The following MIIP variants were observed in gnomAD, a reference collection of about 807,000 sequenced individuals.
MIIP encodes migration and invasion inhibitory protein, also known as migration and invasion-inhibitory protein.
In MIIP, 44 loss-of-function variants were observed where a neutral mutation model predicts 44.8. The ratio of observed to expected loss-of-function variants is 0.98; its 90% CI spans 0.77 to 1.26. MIIP has a LOEUF of 1.26. Ranked by LOEUF, MIIP falls within the 50% of genes most tolerant of loss-of-function variation. The pLI is 0.00. For missense variants in MIIP, 496 were observed against 511.7 expected, an observed-to-expected ratio of 0.97 and a Z score of 0.30; for synonymous variants, 225 against 218.3, an observed-to-expected ratio of 1.03 and a Z score of -0.27.
At chr1:12,026,968 G>A (rs1640116605) in intron 4 of MIIP, among the ~76,000 whole-genome samples, 2 of 150,906 alleles carry the variant, frequency 1.3e-5, no homozygotes, top group African/African-American at 4.9e-5. Context: ...TAGCCTCGTT[G>A]CCTTCAATTT....
chr1:12,023,058 TC>T, intron 4 of MIIP, 141 bp downstream of exon 4: 37 of 452,766 alleles, frequency 8.2e-5, no homozygotes, highest in Non-Finnish European at 1.2e-4. Flanking sequence ...GGGAGCACCC[TC>T]TTTTTTTTTT....
At chr1:12,022,961 G>A in intron 4 of MIIP, 44 bp downstream of exon 4, 6 of 1,498,904 alleles carry the variant, frequency 4.0e-6, no homozygotes, top group African/African-American at 1.4e-5. Flanking sequence ...CTGGGAGTGG[G>A]AGGTGGAGGC....
chr1:12,022,788 A>T (rs753371188), intron 3 of MIIP, 45 bp from the exon 4 acceptor site: 1 of 1,467,636 alleles, frequency 6.8e-7, no homozygotes, highest in East Asian at 2.4e-5. Context: ...CCTCTGGGCC[A>T]GGCCTCTTGG....
At chr1:12,025,679 T>C (rs956691834) in intron 4 of MIIP, among the ~76,000 whole-genome samples, 2 of 152,172 alleles carry the variant, frequency 1.3e-5, no homozygotes, top group African/African-American at 4.8e-5. Flanking sequence ...TGATGTGACC[T>C]CCCGTCTTTC....
intron 3 of MIIP, 87 bp downstream of exon 3, chr1:12,022,529 C>A: frequency 8.5e-7 from 1 of 1,172,330 alleles, no homozygotes; most frequent in Non-Finnish European, 1.2e-6. Context: ...TTGTGGGTAG[C>A]CTCCCTTGCA....
In MIIP at chr1:12,031,780, G is replaced by A. The variant is rs143726942; in HGVS notation, c.1139G>A (p.Arg380Gln). The change falls in exon 10 of 10, where the codon CGG becomes CAG. Residue 380 changes from arginine to glutamine, a missense_variant. By Grantham distance (43) the Arg-to-Gln change is conservative (BLOSUM62 1). Coordinates refer to ENST00000235332, the MANE Select transcript of MIIP (RefSeq NM_021933.4). ...TPTWSVPQVPRPHVPRQKP is the reference protein window; with the variant it reads ...TPTWSVPQVPQPHVPRQKP ...ACCTGGTCAGTGCCCCAGGTCCCTCGGCCCCACGTCCCACGGCAGAAGCCC... is the reference window on the plus strand; with the variant it reads ...ACCTGGTCAGTGCCCCAGGTCCCTCAGCCCCACGTCCCACGGCAGAAGCCC... 41 of 1,613,756 alleles carry A rather than the reference G, an allele frequency of 2.5e-5. No homozygotes were observed. Among genetic ancestry groups the A allele is most frequent in the African/African-American group, 6.7e-5 (5 of 74,852 alleles).
At position 12,030,611 on chromosome 1, in the gene MIIP, G is replaced by A. The variant is rs570264134; in HGVS notation, c.942+487G>A. ...GAGTTTTGTTCTTACTGCCCAGGCT[G>A]GAGTGCATTGGCATGGTCTCAGCTC... On this transcript the variant is annotated intron_variant, in intron 8 of 9. Transcript: ENST00000235332. Among the ~76,000 whole-genome samples the A allele has an allele frequency of 3.5e-3, 456 of 129,124 alleles. 4 individuals carry two copies. The highest frequency in any genetic ancestry group is 0.013 in the African/African-American group (426 of 33,482). 84.7% of individuals were successfully genotyped at this position (129,124 alleles called of 152,430 possible).
chr1:12,028,968 C>A, intron 4 of MIIP, 65 bp from the exon 5 acceptor site: 1 of 1,357,702 alleles, frequency 7.4e-7, no homozygotes, highest in Non-Finnish European at 1.1e-6. Flanking sequence ...CAAGCCTTGG[C>A]CGGTGGCCAC....
chr1:12,020,830 C>T (rs529965498), intron 1 of MIIP, among the ~76,000 whole-genome samples: 2 of 152,020 alleles, frequency 1.3e-5, no homozygotes, highest in African/African-American at 2.4e-5. Context: ...ATTACAGGCG[C>T]GTGCCACCAC....
intron 1 of MIIP, among the ~76,000 whole-genome samples, chr1:12,021,217 A>AC (rs1265776556): frequency 2.0e-5 from 3 of 151,514 alleles, no homozygotes; most frequent in South Asian, 4.2e-4. Context: ...ACACGGTGAA[A>AC]CCCCGTCTCT....
At chr1:12,023,059 CTTTTTTTTTTTTTTT>C (rs869060053) in intron 4 of MIIP, 142 bp downstream of exon 4, 38 of 353,324 alleles carry the variant, frequency 1.1e-4, no homozygotes, top group East Asian at 8.0e-4. Flanking sequence ...GGAGCACCCT[CTTTTTTTTTTTTTTT>C]TTTTTTTGAG....
In MIIP at chr1:12,025,619, A is replaced by G. The variant is rs562237450; in HGVS notation, c.547+2702A>G. Among the ~76,000 whole-genome samples the G allele has an allele frequency of 5.3e-5, 8 of 152,304 alleles. No homozygotes were observed. In the South Asian group the frequency reaches 1.2e-3, roughly 24 times the overall value. On this transcript the variant is annotated intron_variant, in intron 4 of 9. Transcript: ENST00000235332. ...TTTCCCAGCACTTACTGTAAAATCC[A>G]AAATCCCTATCTAGACTTACGAGGC...
rs536381332 is a variant in MIIP, at chr1:12,024,876, C to T, written c.547+1959C>T. Reference sequence around the variant, plus strand: ...CCCTCCCTCCAGCCCTGGACAGTCACCATTCTACTTTCTGTCCCTATGAAT... The same window carrying T: ...CCCTCCCTCCAGCCCTGGACAGTCATCATTCTACTTTCTGTCCCTATGAAT... On this transcript the variant is annotated intron_variant, in intron 4 of 9. Transcript: ENST00000235332. Among the ~76,000 whole-genome samples the T allele has an allele frequency of 2.6e-5, 4 of 152,276 alleles. No individual in the cohort carries two copies. In the East Asian group the frequency reaches 7.7e-4, roughly 29 times the overall value.
intron 4 of MIIP, among the ~76,000 whole-genome samples, chr1:12,024,859 C>G (rs187529977): frequency 5.1e-4 from 77 of 152,320 alleles, no homozygotes; most frequent in Non-Finnish European, 2.4e-4. Flanking sequence ...CCCCCTCCCT[C>G]CAGCCCTGGA....
intron 4 of MIIP, among the ~76,000 whole-genome samples, chr1:12,024,658 G>A (rs1640062590): frequency 3.3e-5 from 5 of 152,302 alleles, no homozygotes; most frequent in South Asian, 2.1e-4. Flanking sequence ...CGATCCGCCC[G>A]CCTCAGCCTC....
intron 3 of MIIP, among the ~76,000 whole-genome samples, 167 bp from the exon 4 acceptor site, chr1:12,022,665 AT>A (rs922552654): frequency 6.6e-6 from 1 of 152,230 alleles, no homozygotes; most frequent in African/African-American, 2.4e-5. Context: ...ACAGCCACAC[AT>A]AAAGTGGGGC....
At chr1:12,020,553 G>T in intron 1 of MIIP, among the ~76,000 whole-genome samples, 1 of 152,172 alleles carries the variant, frequency 6.6e-6, no homozygotes, top group East Asian at 1.9e-4. Context: ...TGTCACCCAG[G>T]CTGGAGTGCA....
chr1:12,020,372 G>A (rs1340704851), intron 1 of MIIP, among the ~76,000 whole-genome samples: 1 of 152,190 alleles, frequency 6.6e-6, no homozygotes, highest in African/African-American at 2.4e-5. Flanking sequence ...AGGAGGCGGA[G>A]GTTGCAGTGA....
At position 12,021,647 on chromosome 1, in the gene MIIP, A is replaced by G. The variant is rs1639976976; in HGVS notation, c.-80A>G. ...GTGTCCTGCTGTCTTGACTTCAGGT[A>G]GAAGAGCTGGGCCTGGAACCCAGCC... On this transcript the variant is annotated splice_region_variant and 5_prime_UTR_variant, in exon 2 of 10. An upstream open reading frame in the 5' UTR loses its in-frame stop. Coordinates refer to ENST00000235332, the MANE Select transcript of MIIP (RefSeq NM_021933.4). 7.9e-7 allele frequency: 1 copy of G among 1,269,418 alleles called. No homozygotes were observed. The highest frequency in any genetic ancestry group is 1.5e-5 in the African/African-American group (1 of 68,366). The allele number at this position is 1,269,418 out of a possible 1,614,324, so 78.6% of individuals were successfully genotyped here.
Sources: gnomAD v4.1 joint callset for allele counts (sites outside exome capture counted in the v4.1 genomes callset) on GRCh38, gnomAD v4.1.1 for gene constraint, MANE v1.5 for transcripts, NCBI Gene and HGNC (gene_info 2026-07-23, HGNC 2026-07-21) for gene names.